DUSP8: variants seen among roughly 807,000 people sequenced by gnomAD.
DUSP8 encodes the protein dual specificity protein phosphatase 8.
In DUSP8, 15 loss-of-function variants were observed where a neutral mutation model predicts 38.7. That is an observed-to-expected ratio of 0.39 (90% CI 0.26 to 0.60). The LOEUF is 0.60. Ranked by LOEUF, DUSP8 falls within the 20% of genes least tolerant of loss-of-function variation. The pLI, the probability that DUSP8 is intolerant of heterozygous loss-of-function variation, is 0.56. For missense variants in DUSP8, 768 were observed against 915.0 expected, an observed-to-expected ratio of 0.84 and a Z score of 2.07; for synonymous variants, 458 against 433.9, an observed-to-expected ratio of 1.06 and a Z score of -0.69.
At chr11:1,572,427 C>CGCGGGGGGGGGGCGGGGTGCAGGGT (rs1848920697), upstream of DUSP8, among the ~76,000 whole-genome samples, 1 of 65,766 alleles carries the variant, frequency 1.5e-5, no homozygotes, top group African/African-American at 5.6e-5. The surrounding 1 kb of genome is among the most constrained non-coding windows in gnomAD (Gnocchi z 4.7). Context: ...AGGCGGCTGC[C>CGCGGGGGGGGGGCGGGGTGCAGGGT]GCGGGGGGGG....
Position 1,554,754 on chromosome 11 carries a change from A to T in DUSP8, c.*1764T>A. The T allele has an allele frequency of 2.0e-6, 1 of 503,194 alleles. No individual in the cohort carries two copies. The highest frequency in any genetic ancestry group is 2.6e-6 in the Non-Finnish European group (1 of 387,954). 31.2% of individuals were successfully genotyped at this position (503,194 alleles called of 1,614,324 possible). A position where few individuals can be genotyped will look rare whatever the true frequency, so the allele number is the denominator to read the frequency against. ...TCCTCCTCACCCAGGGTCTCCTCAG[A>T]AACCCAACGCAACAGACATATGGGA... On this transcript the variant is annotated 3_prime_UTR_variant, in exon 7 of 7. Transcript: ENST00000397374.
At chr11:1,564,795 C>T (rs1383316378) in intron 2 of DUSP8, among the ~76,000 whole-genome samples, 2 of 152,218 alleles carry the variant, frequency 1.3e-5, no homozygotes, top group Non-Finnish European at 2.9e-5. Context: ...CGATTCTGGC[C>T]TTGGGGTGGG....
chr11:1,558,962 G>A lies in DUSP8; in HGVS notation c.464C>T (p.Pro155Leu), dbSNP rs1225124217. 1 of 1,612,690 alleles carries A rather than the reference G, an allele frequency of 6.2e-7. No homozygotes were observed. ...GCGGGTCAGGCCCACGCTGGGCACA[G>A]GCAGGCAGGGCTGGGAGAGGCTCAT... ...LPMSLSQPCL[P>L]VPSVGLTRIL... Residue 155 changes from proline to leucine, a missense_variant, in exon 4 of 7, where the codon CCT (proline) becomes CTT (leucine). By Grantham distance (98) the Pro-to-Leu change is moderately conservative. Transcript: ENST00000397374. The surrounding 1 kb of genome is among the most constrained non-coding windows in gnomAD (Gnocchi z 6.3).
At chr11:1,566,037 A>G in intron 1 of DUSP8, 103 bp from the exon 2 acceptor site, 1 of 563,694 alleles carries the variant, frequency 1.8e-6, no homozygotes, top group South Asian at 2.4e-5. Context: ...ACCAGGACAC[A>G]CCAACATGTG....
chr11:1,559,165 AC>A, intron 3 of DUSP8, 110 bp from the exon 4 acceptor site: 1 of 1,135,070 alleles, frequency 8.8e-7, no homozygotes, highest in Non-Finnish European at 1.2e-6. Context: ...GATCAGTCAC[AC>A]CCAGCCCAGA....
At position 1,558,318 on chromosome 11, in the gene DUSP8, G is replaced by A. The variant is rs1047930729; in HGVS notation, c.538-47C>T. ...TTGGAAAGGGGTGGGAGAAGCTCGG[G>A]GCGGGAGTGAAGGTGGAGGCTTTTC... On this transcript the variant is annotated intron_variant, in intron 4 of 6. Transcript: ENST00000397374. This position sits in a 1 kb window ranked among gnomAD's most constrained non-coding sequence, Gnocchi z 6.3. 1 of 1,404,986 alleles carries A rather than the reference G, an allele frequency of 7.1e-7. No individual in the cohort carries two copies. The highest frequency in any genetic ancestry group is 9.8e-7 in the Non-Finnish European group (1 of 1,025,410). 87.0% of individuals were successfully genotyped at this position (1,404,986 alleles called of 1,614,324 possible).
rs922480973 is a variant in DUSP8, at chr11:1,555,999, G to C, written c.*519C>G. The C allele has an allele frequency of 4.6e-5, 7 of 152,200 alleles. No individual in the cohort carries two copies. Among genetic ancestry groups the C allele is most frequent in the Admixed American group, 2.6e-4 (4 of 15,280 alleles). The allele number at this position is 152,200 out of a possible 1,614,324, so 9.4% of individuals were successfully genotyped here. A position where few individuals can be genotyped will look rare whatever the true frequency, so the allele number is the denominator to read the frequency against. On this transcript the variant is annotated 3_prime_UTR_variant, in exon 7 of 7. Transcript: ENST00000397374. Reference sequence around the variant, plus strand: ...GATGGAGGGCTGGCCGCACCTCTCCGGGGCACACCAGCTCCTGCTCCTCCA... The same window carrying C: ...GATGGAGGGCTGGCCGCACCTCTCCCGGGCACACCAGCTCCTGCTCCTCCA...
At position 1,572,176 on chromosome 11, in the gene DUSP8, C is replaced by CGGCTCG. The variant is rs933678425; in HGVS notation, c.-390_-385dup. 4.4e-3 allele frequency among the ~76,000 whole-genome samples: 640 copies of CGGCTCG among 145,262 alleles called. 3 individuals are homozygous for CGGCTCG. The highest frequency in any genetic ancestry group is 0.013 in the African/African-American group (528 of 40,484). ...CGGGCGCGGCCGGGAGGTTCCGGCG[C>CGGCTCG]GGCTCGGGCTCGGGCTCGGGCTCGG... is the stretch of plus-strand genomic sequence containing the variant. On this transcript the variant is annotated 5_prime_UTR_variant, in exon 1 of 7. Coordinates refer to ENST00000397374, the MANE Select transcript of DUSP8 (RefSeq NM_004420.3). This position sits in a 1 kb window ranked among gnomAD's most constrained non-coding sequence, Gnocchi z 4.7.
At position 1,563,980 on chromosome 11, in the gene DUSP8, T is replaced by C; in HGVS notation, c.241A>G (p.Thr81Ala). The change falls in exon 3 of 7, where the codon ACG becomes GCG. Residue 81 changes from threonine to alanine, a missense_variant. Around this residue, in one of 3 missense-constraint regions of DUSP8, gnomAD observed 252 missense variants for 410.4 expected, o/e 0.61. Transcript: ENST00000397374. ...TAGACCACCACGTCCTGTGGCTCCGTAGCCTCCACCTGGGGGCCATGGGGC... is the reference window on the plus strand; with the variant it reads ...TAGACCACCACGTCCTGTGGCTCCGCAGCCTCCACCTGGGGGCCATGGGGC... Reference protein sequence around the residue: ...QPAARSQVEATEPQDVVVYDQ... With the variant: ...QPAARSQVEAAEPQDVVVYDQ... The C allele has an allele frequency of 6.7e-7, 1 of 1,486,102 alleles. No individual in the cohort carries two copies. Among genetic ancestry groups the C allele is most frequent in the Non-Finnish European group, 9.0e-7 (1 of 1,109,922 alleles). The allele number at this position is 1,486,102 out of a possible 1,614,324, so 92.1% of individuals were successfully genotyped here. A position where few individuals can be genotyped will look rare whatever the true frequency, so the allele number is the denominator to read the frequency against.
chr11:1,555,304 T>TGGGGGC lies in DUSP8; in HGVS notation c.*1208_*1213dup. On this transcript the variant is annotated 3_prime_UTR_variant, in exon 7 of 7. Transcript: ENST00000397374. ...TCTCTCCTGAGCGGCCCCATGGGGG[T>TGGGGGC]GGGGGCAAACGAGGGGGCTTTACCT... 1 of 987,180 alleles carries TGGGGGC rather than the reference T, an allele frequency of 1.0e-6. No individual in the cohort carries two copies. Among genetic ancestry groups the TGGGGGC allele is most frequent in the Non-Finnish European group, 1.2e-6 (1 of 830,050 alleles). 61.2% of individuals were successfully genotyped at this position (987,180 alleles called of 1,614,324 possible).
chr11:1,563,795 C>A, intron 3 of DUSP8, 56 bp downstream of exon 3: 1 of 1,434,272 alleles, frequency 7.0e-7, no homozygotes, highest in Admixed American at 2.7e-5. Context: ...AGCCCCAGCC[C>A]CAGCCCCACT....
intron 1 of DUSP8, among the ~76,000 whole-genome samples, chr11:1,567,001 G>T (rs987175172): frequency 2.2e-4 from 34 of 152,180 alleles, no homozygotes; most frequent in Non-Finnish European, 7.4e-5. Context: ...CAGCCCCTAG[G>T]AGGCGCATAG....
At chr11:1,566,970 T>C (rs535331757) in intron 1 of DUSP8, among the ~76,000 whole-genome samples, 1 of 152,264 alleles carries the variant, frequency 6.6e-6, no homozygotes, top group Admixed American at 6.5e-5. Flanking sequence ...CTGGCCTTCC[T>C]CTGGGTCCAC....
intron 3 of DUSP8, among the ~76,000 whole-genome samples, chr11:1,563,530 A>G (rs887888516): frequency 2.0e-5 from 3 of 152,162 alleles, no homozygotes; most frequent in Admixed American, 6.5e-5. Context: ...CACGGCTCCA[A>G]CTGAGTTTCC....
intron 3 of DUSP8, among the ~76,000 whole-genome samples, chr11:1,561,960 G>A (rs766390374): frequency 2.0e-5 from 3 of 152,238 alleles, no homozygotes; most frequent in Admixed American, 1.3e-4. Context: ...TGTATACCAC[G>A]GGGCCTGGGA....
Position 1,556,858 on chromosome 11 carries a change from T to C in DUSP8, c.1538A>G (p.Asp513Gly). ...AGPGAWAPPL[D>G]SPGTPSPDGP... The stretch of plus-strand genomic sequence containing the variant: ...GTCGGGCGACGGCGTGCCTGGGGAG[T>C]CGAGCGGCGGTGCCCAGGCCCCGGG... The change falls in exon 7 of 7, where the codon GAC (aspartate) becomes GGC (glycine). Residue 513 changes from aspartate to glycine, a missense_variant. By Grantham distance (94) the Asp-to-Gly change is moderately conservative (BLOSUM62 -1). This residue lies in a region of DUSP8 where 474 missense variants were observed against 430.8 expected (regional missense o/e 1.10). Transcript: ENST00000397374. The surrounding 1 kb of genome is among the most constrained non-coding windows in gnomAD (Gnocchi z 5.2). 1 of 1,133,482 alleles carries C rather than the reference T, an allele frequency of 8.8e-7. No individual in the cohort carries two copies. The highest frequency in any genetic ancestry group is 4.5e-5 in the East Asian group (1 of 22,168). 70.2% of individuals were successfully genotyped at this position (1,133,482 alleles called of 1,614,324 possible).
chr11:1,568,861 C>A (rs1173409331), intron 1 of DUSP8, among the ~76,000 whole-genome samples: 1 of 152,212 alleles, frequency 6.6e-6, no homozygotes, highest in African/African-American at 2.4e-5. Flanking sequence ...TCTGGGAGAG[C>A]ATCCTCACCC....
In DUSP8 at chr11:1,555,161, G is replaced by A. The variant is rs1848602605; in HGVS notation, c.*1357C>T. On this transcript the variant is annotated 3_prime_UTR_variant, in exon 7 of 7. Transcript: ENST00000397374. ...TGAAGGGCAGGGGTCCCAATGGCCC[G>A]AGGGGGTATGGGGCAGGGGCAGCAG... is the stretch of plus-strand genomic sequence containing the variant. 4 of 987,812 alleles carry A rather than the reference G, an allele frequency of 4.0e-6. No homozygotes were observed. The highest frequency in any genetic ancestry group is 1.7e-5 in the African/African-American group (1 of 57,310). 61.2% of individuals were successfully genotyped at this position (987,812 alleles called of 1,614,324 possible). A position where few individuals can be genotyped will look rare whatever the true frequency, so the allele number is the denominator to read the frequency against.
rs1848601866 is a variant in DUSP8, at chr11:1,555,114, C to T, written c.*1404G>A. The T allele has an allele frequency of 1.0e-6, 1 of 987,514 alleles. No individual in the cohort carries two copies. Among genetic ancestry groups the T allele is most frequent in the Non-Finnish European group, 1.2e-6 (1 of 830,252 alleles). The allele number at this position is 987,514 out of a possible 1,614,324, so 61.2% of individuals were successfully genotyped here. ...GGCCTCTTCCCACAGTGACTGGCCC[C>T]ACTCCTAGACCCTAGGACATCTGAA... On this transcript the variant is annotated 3_prime_UTR_variant, in exon 7 of 7. Transcript: ENST00000397374.
Sources: allele counts gnomAD v4.1 joint callset (sites outside exome capture counted in the v4.1 genomes callset), GRCh38; gene constraint gnomAD v4.1.1; regional missense constraint gnomAD v4.1.1; non-coding constraint Gnocchi (gnomAD v3.1); transcripts MANE v1.5; gene names NCBI Gene and HGNC (gene_info 2026-07-23, HGNC 2026-07-21).